The following THPO variants were observed in gnomAD, a reference collection of about 807,000 sequenced individuals.
THPO encodes the protein MPL ligand.
In THPO, 12 loss-of-function variants were observed where a neutral mutation model predicts 17.0. The observed-to-expected ratio is 0.71, with a 90% CI of 0.45 to 1.14. THPO has a LOEUF of 1.14. Among genes scored for constraint, THPO ranks in the 50% most tolerant of loss-of-function variants. THPO has a pLI of 0.00. For synonymous variants in THPO, 188 were observed against 183.0 expected, an observed-to-expected ratio of 1.03 and a Z score of -0.22; for missense variants, 365 against 427.5, an observed-to-expected ratio of 0.85 and a Z score of 1.29.
Position 184,376,364 on chromosome 3 carries a change from G to A in THPO, c.-105C>T. ...TTAGGCTCTTGCACTTCTGGGCAGA[G>A]TAGGGTGGGGCAAAGGCGGGCCAAG... On this transcript the variant is annotated 5_prime_UTR_variant, in exon 2 of 6. Coordinates refer to ENST00000647395, the MANE Select transcript of THPO (RefSeq NM_000460.4). 18 of 1,612,520 alleles carry A rather than the reference G, an allele frequency of 1.1e-5. No individual in the cohort carries two copies. The highest frequency in any genetic ancestry group is 1.4e-5 in the Non-Finnish European group (17 of 1,179,604).
intron 2 of THPO, 62 bp from the exon 3 acceptor site, chr3:184,376,077 GGAATTCCCATTCAGGAC>G: frequency 4.3e-6 from 7 of 1,613,574 alleles, no homozygotes; most frequent in Non-Finnish European, 5.9e-6. Context: ...TGGTATTCCA[GGAATTCCCATTCAGGAC>G]CCAGACCTGA....
chr3:184,372,487 G>C lies in THPO; in HGVS notation c.*26C>G. ...GGAAGGGAGCTGTACACGAGACAAT[G>C]CTGATGTCGGCAGTGTCTGAGAACC... On this transcript the variant is annotated 3_prime_UTR_variant, in exon 6 of 6. Coordinates refer to ENST00000647395, the MANE Select transcript of THPO (RefSeq NM_000460.4). 6.2e-7 allele frequency: 1 copy of C among 1,613,672 alleles called. No individual in the cohort carries two copies. The highest frequency in any genetic ancestry group is 8.5e-7 in the Non-Finnish European group (1 of 1,179,674).
In THPO at chr3:184,376,262, T is replaced by C. The variant is rs1332985159; in HGVS notation, c.-3A>G. ...GTGTTCTCACCAGTCAGCTCCATTC[T>C]GGCCGGGGTGTCTGGCTGGCGTGGC... On this transcript the variant is annotated 5_prime_UTR_variant, in exon 2 of 6. Coordinates refer to ENST00000647395, the MANE Select transcript of THPO (RefSeq NM_000460.4). 6 of 1,614,216 alleles carry C rather than the reference T, an allele frequency of 3.7e-6. No homozygotes were observed. Among genetic ancestry groups the C allele is most frequent in the Non-Finnish European group, 5.1e-6 (6 of 1,180,024 alleles).
At chr3:184,379,160 A>T (rs185314670), upstream of THPO, among the ~76,000 whole-genome samples, 17 of 152,164 alleles carry the variant, frequency 1.1e-4, no homozygotes, top group East Asian at 3.1e-3. Context: ...TAGATCCTGG[A>T]ATTTTCCCGT....
At chr3:184,375,423 A>G in intron 4 of THPO, 92 bp downstream of exon 4, 1 of 1,364,954 alleles carries the variant, frequency 7.3e-7, no homozygotes, top group Non-Finnish European at 1.0e-6. Context: ...AGATATTTTT[A>G]AAAAGCTCAA....
In THPO at chr3:184,373,042, G is replaced by T. The variant is rs753323780; in HGVS notation, c.533C>A (p.Pro178His). 1.9e-6 allele frequency: 3 copies of T among 1,614,062 alleles called. No individual in the cohort carries two copies. In the Admixed American group the frequency reaches 5.0e-5, roughly 27 times the overall value. The change falls in exon 6 of 6, where the codon CCC (proline) becomes CAC (histidine). Residue 178 changes from proline to histidine, a missense_variant. Physicochemically the swap from Pro to His is moderately conservative, Grantham distance 77. Transcript: ENST00000647395. ...GSTLCVRRAP[P>H]TTAVPSRTSL... The stretch of plus-strand genomic sequence containing the variant: ...GGTTCTGCTGGGGACAGCTGTGGTG[G>T]GTGGGGCCCGCCTGACGCAGAGGGT...
At chr3:184,376,916 ACTC>A (rs1714465144) in intron 1 of THPO, among the ~76,000 whole-genome samples, 1 of 151,512 alleles carries the variant, frequency 6.6e-6, no homozygotes. Flanking sequence ...TTTTGTCAGG[ACTC>A]CTCAGTGAAT....
chr3:184,373,595 T>A lies in THPO; in HGVS notation c.229-13A>T. 1 of 1,613,684 alleles carries A rather than the reference T, an allele frequency of 6.2e-7. No individual in the cohort carries two copies. The highest frequency in any genetic ancestry group is 8.5e-7 in the Non-Finnish European group (1 of 1,179,936). On this transcript the variant is annotated splice_polypyrimidine_tract_variant and intron_variant, in intron 4 of 5. Coordinates refer to ENST00000647395, the MANE Select transcript of THPO (RefSeq NM_000460.4). The stretch of plus-strand genomic sequence containing the variant: ...CCTTGGTCTCCTCCTGAGAAAGAGA[T>A]GGAAGAGAGAAGCGCACTGCCTCAA...
Position 184,373,132 on chromosome 3 carries a change from A to G in THPO, c.443T>C (p.Ile148Thr), listed in dbSNP as rs1383797035. The G allele has an allele frequency of 3.7e-6, 6 of 1,613,288 alleles. No homozygotes were observed. The change falls in exon 6 of 6, where the codon ATC (isoleucine) becomes ACC (threonine). Residue 148 changes from isoleucine (I) to threonine (T), a missense_variant. By Grantham distance (89) the Ile-to-Thr change is moderately conservative (BLOSUM62 -1). Coordinates refer to ENST00000647395, the MANE Select transcript of THPO (RefSeq NM_000460.4). ...RTTAHKDPNA[I>T]FLSFQHLLRG... ...GAGCAGGTGTTGGAAGCTCAGGAAG[A>G]TGGCATTGGGATCCTTGTGAGCTGT...
At chr3:184,375,436 A>G in intron 4 of THPO, 79 bp downstream of exon 4, 1 of 1,439,194 alleles carries the variant, frequency 6.9e-7, no homozygotes, top group Admixed American at 1.7e-5. Context: ...AAGCTCAAGA[A>G]TGTTGGAGAA....
Position 184,372,681 on chromosome 3 carries a change from A to G in THPO, c.894T>C (p.His298=), listed in dbSNP as rs769550902. ...AGAGCGTATACTGTCCAGTAGGAGG[A>G]TGGGTTGGGGAAGGAGAATATCCAG... ...LQPGYSPSPT[H]PPTGQYTLFP... The change falls in exon 6 of 6, where the codon CAT becomes CAC. Residue 298 remains histidine, a synonymous_variant. Transcript: ENST00000647395. 1.9e-6 allele frequency: 3 copies of G among 1,612,576 alleles called. No individual in the cohort carries two copies. Among genetic ancestry groups the G allele is most frequent in the South Asian group, 2.2e-5 (2 of 91,012 alleles).
chr3:184,377,241 A>C (rs1314569184), intron 1 of THPO, among the ~76,000 whole-genome samples: 1 of 152,162 alleles, frequency 6.6e-6, no homozygotes, highest in Admixed American at 6.5e-5. Flanking sequence ...TCAGGATTAA[A>C]AGGCGGTATG....
In THPO at chr3:184,378,200, C is replaced by A. The variant is rs1714590320; in HGVS notation, c.-271G>T. 8 of 985,470 alleles carry A rather than the reference C, an allele frequency of 8.1e-6. No homozygotes were observed. Among genetic ancestry groups the A allele is most frequent in the Non-Finnish European group, 9.6e-6 (8 of 829,972 alleles). 61.0% of individuals were successfully genotyped at this position (985,470 alleles called of 1,614,324 possible). On this transcript the variant is annotated 5_prime_UTR_variant, in exon 1 of 6. Transcript: ENST00000647395. ...GCAGCAGGTCATACGCCTGCCTGGGCCACTTCTGCCCAATCAGAGAAGGGA... is the reference window on the plus strand; with the variant it reads ...GCAGCAGGTCATACGCCTGCCTGGGACACTTCTGCCCAATCAGAGAAGGGA...
intron 4 of THPO, among the ~76,000 whole-genome samples, chr3:184,374,362 C>G (rs79627603): frequency 6.6e-6 from 1 of 152,134 alleles, no homozygotes; most frequent in African/African-American, 2.4e-5. Flanking sequence ...GAAGAAGGGA[C>G]GCTAGGGTTC....
At chr3:184,374,784 T>C (rs1180844659) in intron 4 of THPO, among the ~76,000 whole-genome samples, 1 of 152,158 alleles carries the variant, frequency 6.6e-6, no homozygotes, top group African/African-American at 2.4e-5. Flanking sequence ...AATTTACACA[T>C]GTAGAATTTT....
At position 184,372,692 on chromosome 3, in the gene THPO, AAGG is replaced by A. The variant is rs745762526; in HGVS notation, c.880_882del (p.Pro294del). ...TGTCCAGTAGGAGGATGGGTTGGGG[AAGG>A]AGAATATCCAGGCTGGAGGTTGGGT... is the stretch of plus-strand genomic sequence containing the variant. On this transcript the variant is annotated inframe_deletion, in exon 6 of 6. Coordinates refer to ENST00000647395, the MANE Select transcript of THPO (RefSeq NM_000460.4). The A allele has an allele frequency of 6.2e-7, 1 of 1,613,006 alleles. No individual in the cohort carries two copies. Among genetic ancestry groups the A allele is most frequent in the Admixed American group, 1.7e-5 (1 of 59,984 alleles).
At chr3:184,378,453 C>T, upstream of THPO, 3 of 955,766 alleles carry the variant, frequency 3.1e-6, no homozygotes, top group Non-Finnish European at 3.7e-6. Context: ...GGAAGAAGCA[C>T]AGAGGTCTTG....
chr3:184,372,955 A>AAGT lies in THPO; in HGVS notation c.617_619dup (p.Asn206_Phe207insTyr), dbSNP rs1490246291. 1.2e-6 allele frequency: 2 copies of AAGT among 1,614,150 alleles called. No homozygotes were observed. The highest frequency in any genetic ancestry group is 1.7e-6 in the Non-Finnish European group (2 of 1,180,026). ...GCCAGTAGTTCTGGCTGAGGCAGTG[A>AAGT]AGTTTGTCTCCAACAATCCAGAAGT... On this transcript the variant is annotated inframe_insertion, in exon 6 of 6. Coordinates refer to ENST00000647395, the MANE Select transcript of THPO (RefSeq NM_000460.4).
chr3:184,373,849 C>G (rs1714171880), intron 4 of THPO, among the ~76,000 whole-genome samples: 1 of 152,218 alleles, frequency 6.6e-6, no homozygotes, highest in Non-Finnish European at 1.5e-5. Flanking sequence ...TTGCTGAAAT[C>G]TGCCCTGTTA....
Sources: gnomAD v4.1 joint callset for allele counts (sites outside exome capture counted in the v4.1 genomes callset) on GRCh38, gnomAD v4.1.1 for gene constraint, MANE v1.5 for transcripts, NCBI Gene and HGNC (gene_info 2026-07-23, HGNC 2026-07-21) for gene names.